C1QTNF7: variants seen among roughly 807,000 people sequenced by gnomAD.
C1QTNF7 encodes the protein complement C1q tumor necrosis factor-related protein 7.
In C1QTNF7, 15 loss-of-function variants were observed where a neutral mutation model predicts 19.6. That is an observed-to-expected ratio of 0.76 (90% confidence interval 0.51 to 1.18). The LOEUF (loss-of-function observed/expected upper bound fraction) is 1.18, where lower values mean the gene tolerates loss of function less well. Among genes scored for constraint, C1QTNF7 ranks in the 50% most tolerant of loss-of-function variants. The pLI, the probability that C1QTNF7 is intolerant of heterozygous loss-of-function variation, is 0.00. For synonymous variants in C1QTNF7, 142 were observed against 137.5 expected (o/e 1.03, Z -0.23); for missense variants, 324 against 359.7 (o/e 0.90, Z 0.80).
intron 1 of C1QTNF7, among the ~76,000 whole-genome samples, chr4:15,343,583 T>C (rs1716620365): frequency 6.6e-6 from 1 of 152,178 alleles, no homozygotes; most frequent in African/African-American, 2.4e-5. Flanking sequence ...ATAGGGACAG[T>C]CCAGAAGAAA....
chr4:15,416,106 T>C (rs1719596713), intron 1 of C1QTNF7, among the ~76,000 whole-genome samples: 1 of 152,212 alleles, frequency 6.6e-6, no homozygotes, highest in African/African-American at 2.4e-5. Flanking sequence ...TATGTATATA[T>C]TTGCCATATA....
chr4:15,377,423 G>A (rs890791786), intron 1 of C1QTNF7, among the ~76,000 whole-genome samples: 10 of 152,132 alleles, frequency 6.6e-5, no homozygotes, highest in Non-Finnish European at 1.2e-4. Flanking sequence ...TTCTCTGGTA[G>A]GCTTTTCATG....
At chr4:15,440,446 C>T (rs1197404546) in intron 2 of C1QTNF7, among the ~76,000 whole-genome samples, 1 of 150,956 alleles carries the variant, frequency 6.6e-6, no homozygotes, top group Non-Finnish European at 1.5e-5. Context: ...CTTGCACTGC[C>T]GCCCGGGCTG....
intron 1 of C1QTNF7, among the ~76,000 whole-genome samples, chr4:15,385,173 C>T (rs1455549641): frequency 6.6e-6 from 1 of 152,178 alleles, no homozygotes; most frequent in East Asian, 1.9e-4. Context: ...AAGCGCTCAC[C>T]AAGTACCTGG....
At chr4:15,381,468 G>C (rs1292152811) in intron 1 of C1QTNF7, among the ~76,000 whole-genome samples, 1 of 151,412 alleles carries the variant, frequency 6.6e-6, no homozygotes, top group Non-Finnish European at 1.5e-5. Context: ...CTTAAAAAGT[G>C]AAAAGGGGAA....
intron 1 of C1QTNF7, among the ~76,000 whole-genome samples, 177 bp downstream of exon 1, chr4:15,428,283 C>T (rs781387008): frequency 6.6e-5 from 10 of 152,076 alleles, no homozygotes; most frequent in Admixed American, 3.9e-4. Context: ...AGACAAGTTG[C>T]GGGACTTCTC....
intron 1 of C1QTNF7, among the ~76,000 whole-genome samples, chr4:15,361,775 C>A (rs1182300092): frequency 1.3e-5 from 2 of 152,160 alleles, no homozygotes; most frequent in Non-Finnish European, 2.9e-5. Flanking sequence ...CCCTAAATCT[C>A]ATATTAGACT....
At chr4:15,421,397 T>C (rs1341265362) in intron 1 of C1QTNF7, among the ~76,000 whole-genome samples, 1 of 152,048 alleles carries the variant, frequency 6.6e-6, no homozygotes. Context: ...AAGAGGAGCA[T>C]AGAGAACCCA....
At chr4:15,385,351 G>A (rs756433475) in intron 1 of C1QTNF7, among the ~76,000 whole-genome samples, 4 of 151,858 alleles carry the variant, frequency 2.6e-5, no homozygotes, top group Admixed American at 6.6e-5. Context: ...GTGTAGACAG[G>A]TGGGTCAGAT....
chr4:15,385,658 A>G (rs1718306314), intron 1 of C1QTNF7, among the ~76,000 whole-genome samples: 1 of 152,138 alleles, frequency 6.6e-6, no homozygotes, highest in African/African-American at 2.4e-5. Context: ...AGAGTGACTG[A>G]CAGATCTGAA....
chr4:15,407,950 G>T (rs964800880), intron 1 of C1QTNF7, among the ~76,000 whole-genome samples: 18 of 151,958 alleles, frequency 1.2e-4, no homozygotes, highest in African/African-American at 4.3e-4. Context: ...ACAAAACAAA[G>T]AATGTATATA....
chr4:15,438,936 T>C lies in C1QTNF7; in HGVS notation c.238+2955T>C, dbSNP rs1275772026. Among the ~76,000 whole-genome samples the C allele has an allele frequency of 5.9e-5, 9 of 152,130 alleles. 1 individual carries two copies. Among genetic ancestry groups the C allele is most frequent in the Non-Finnish European group, 2.9e-5 (2 of 68,020 alleles). On this transcript the variant is annotated intron_variant, in intron 2 of 2. Coordinates refer to ENST00000444304, the MANE Select transcript of C1QTNF7 (RefSeq NM_031911.5). Reference sequence around the variant, plus strand: ...ATGTATGCATAGATCCACGGATAGATGGATGGAAGGATAGAATGAATGAAT... The same window carrying C: ...ATGTATGCATAGATCCACGGATAGACGGATGGAAGGATAGAATGAATGAAT...
chr4:15,353,295 G>C (rs2109290611), intron 1 of C1QTNF7, among the ~76,000 whole-genome samples: 1 of 152,254 alleles, frequency 6.6e-6, no homozygotes, highest in Non-Finnish European at 1.5e-5. Flanking sequence ...TCCAGGACAA[G>C]TTTTAGATTC....
intron 1 of C1QTNF7, among the ~76,000 whole-genome samples, chr4:15,351,550 A>T (rs900246527): frequency 6.6e-6 from 1 of 152,206 alleles, no homozygotes; most frequent in Non-Finnish European, 1.5e-5. Context: ...CCATTTCTCA[A>T]CCATGGCTGC....
chr4:15,433,297 C>A (rs540243348), intron 1 of C1QTNF7, among the ~76,000 whole-genome samples: 1 of 151,996 alleles, frequency 6.6e-6, no homozygotes, highest in Non-Finnish European at 1.5e-5. Context: ...GGATTACAGA[C>A]GTGAGCCACC....
At chr4:15,343,895 C>T (rs893444899) in intron 1 of C1QTNF7, among the ~76,000 whole-genome samples, 10 of 152,200 alleles carry the variant, frequency 6.6e-5, no homozygotes, top group African/African-American at 1.4e-4. Context: ...AACTAAGCCC[C>T]AGAGAAATTA....
Position 15,442,601 on chromosome 4 carries a change from C to A in C1QTNF7, c.672C>A (p.Asn224Lys). 1 of 1,614,198 alleles carries A rather than the reference C, an allele frequency of 6.2e-7. No homozygotes were observed. Among genetic ancestry groups the A allele is most frequent in the Non-Finnish European group, 8.5e-7 (1 of 1,180,042 alleles). Reference sequence around the variant, plus strand: ...ACCGGATAAAGACCTTCGACGCCAACACAGGAAACCATGATGTGGCTTCGG... The same window carrying A: ...ACCGGATAAAGACCTTCGACGCCAAAACAGGAAACCATGATGTGGCTTCGG... Reference protein sequence around the residue: ...GQYRIKTFDANTGNHDVASGS... With the variant: ...GQYRIKTFDAKTGNHDVASGS... The change falls in exon 3 of 3, where the codon AAC (asparagine) becomes AAA (lysine). Residue 224 changes from asparagine to lysine, a missense_variant. By Grantham distance (94) the Asn-to-Lys change is moderately conservative (BLOSUM62 0). Coordinates refer to ENST00000444304, the MANE Select transcript of C1QTNF7 (RefSeq NM_031911.5).
At chr4:15,430,432 A>G (rs1712252431) in intron 1 of C1QTNF7, among the ~76,000 whole-genome samples, 2 of 152,176 alleles carry the variant, frequency 1.3e-5, no homozygotes, top group Admixed American at 6.5e-5. Flanking sequence ...AAAAAATACA[A>G]AAGTTAGCCA....
intron 1 of C1QTNF7, among the ~76,000 whole-genome samples, chr4:15,350,318 A>AG (rs1560337629): frequency 3.9e-4 from 6 of 15,330 alleles, no homozygotes; most frequent in Non-Finnish European, 7.2e-4. Context: ...AAGGGAGGGA[A>AG]GGAAGGAGGA....
Sources: allele counts gnomAD v4.1 joint callset (sites outside exome capture counted in the v4.1 genomes callset), GRCh38; gene constraint gnomAD v4.1.1; transcripts MANE v1.5; gene names NCBI Gene and HGNC (gene_info 2026-07-23, HGNC 2026-07-21).